CCND3: variants seen among roughly 807,000 people sequenced by gnomAD.
CCND3 encodes G1/S-specific cyclin-D3.
A neutral mutation model predicts 28.7 loss-of-function variants in CCND3; 9 were observed. The ratio of observed to expected loss-of-function variants is 0.31; its 90% confidence interval spans 0.19 to 0.55. The LOEUF (loss-of-function observed/expected upper bound fraction) is 0.55. Ranked by LOEUF, CCND3 falls within the 20% of genes least tolerant of loss-of-function variation. The pLI is 0.93. For synonymous variants in CCND3, 164 were observed against 163.9 expected, an observed-to-expected ratio of 1.00 and a Z score of 0.00; for missense variants, 315 against 385.8, an observed-to-expected ratio of 0.82 and a Z score of 1.54.
At chr6:41,949,568 C>T (rs1048469602) in intron 1 of CCND3, among the ~76,000 whole-genome samples, 14 of 151,818 alleles carry the variant, frequency 9.2e-5, no homozygotes, top group Admixed American at 6.6e-5. Context: ...CTTTGGGAGG[C>T]GGCGACAGAG....
intron 1 of CCND3, among the ~76,000 whole-genome samples, chr6:42,019,215 C>T (rs528816817): frequency 1.3e-4 from 19 of 151,842 alleles, no homozygotes; most frequent in African/African-American, 2.4e-4. Context: ...AGGCCTGGAG[C>T]GGTGGCTCCC....
chr6:42,046,261 T>C (rs1764540829), intron 1 of CCND3, among the ~76,000 whole-genome samples: 1 of 152,210 alleles, frequency 6.6e-6, no homozygotes, highest in Non-Finnish European at 1.5e-5. Context: ...AACTGTCCCG[T>C]GCTCTCGCTT....
At chr6:42,045,305 G>A (rs547314258) in intron 1 of CCND3, among the ~76,000 whole-genome samples, 18 of 152,264 alleles carry the variant, frequency 1.2e-4, no homozygotes, top group East Asian at 5.8e-4. Flanking sequence ...ATAGATCCTC[G>A]TTCAATTCCA....
chr6:41,964,497 TGA>T (rs1491270756), intron 1 of CCND3, among the ~76,000 whole-genome samples: 17,959 of 141,648 alleles, frequency 0.13, 1,610 homozygotes, highest in East Asian at 0.31. Context: ...TGTGTGTGTG[TGA>T]GTGTGTGTGT....
At chr6:41,961,001 T>A (rs1279446159) in intron 1 of CCND3, among the ~76,000 whole-genome samples, 2 of 152,152 alleles carry the variant, frequency 1.3e-5, no homozygotes, top group Admixed American at 6.6e-5. Flanking sequence ...GGGAAGCTGG[T>A]CATGTGCAGG....
At position 41,940,719 on chromosome 6, in the gene CCND3, C is replaced by T. The variant is rs1014639560; in HGVS notation, c.199-134G>A. On this transcript the variant is annotated intron_variant, in intron 1 of 4. Transcript: ENST00000372991. ...GGTAAGCTACTTAGAGAGACAAGGACCAATAAAGGAGGAGGATGCGCCCTC... is the reference window on the plus strand; with the variant it reads ...GGTAAGCTACTTAGAGAGACAAGGATCAATAAAGGAGGAGGATGCGCCCTC... 15 of 756,700 alleles carry T rather than the reference C, an allele frequency of 2.0e-5. No individual in the cohort carries two copies. In the African/African-American group the frequency reaches 2.4e-4, roughly 12 times the overall value. 46.9% of individuals were successfully genotyped at this position (756,700 alleles called of 1,614,324 possible).
intron 1 of CCND3, among the ~76,000 whole-genome samples, chr6:42,027,747 T>G (rs1036735887): frequency 6.6e-6 from 1 of 151,536 alleles, no homozygotes; most frequent in African/African-American, 2.4e-5. Context: ...TTTTTGTTTG[T>G]TTGTTTGTTT....
rs1762617206 is a variant in CCND3 at position 41,990,660 on chromosome 6, A to ATATTTTTTTTTT, written c.-45-50076_-45-50075insAAAAAAAAAATA. On this transcript the variant is annotated intron_variant, in intron 1 of 4. Transcript: ENST00000372988. ...TAGTCCATGAATCTATAACCAACTG[A>ATATTTTTTTTTT]TTTTTTTTTTTTTTTTTTTTTTTTT... Among the ~76,000 whole-genome samples, 2 of 121,276 alleles carry ATATTTTTTTTTT rather than the reference A, an allele frequency of 1.6e-5. 1 individual carries two copies. Among genetic ancestry groups the ATATTTTTTTTTT allele is most frequent in the Non-Finnish European group, 3.3e-5 (2 of 60,716 alleles). The allele number at this position is 121,276 out of a possible 152,430, so 79.6% of individuals were successfully genotyped here.
chr6:42,000,615 T>A (rs912386925), intron 1 of CCND3, among the ~76,000 whole-genome samples: 7 of 133,866 alleles, frequency 5.2e-5, no homozygotes, highest in African/African-American at 2.0e-4. Flanking sequence ...TTGCCCAGGC[T>A]GGAGCGCAAT....
intron 1 of CCND3, among the ~76,000 whole-genome samples, chr6:41,987,034 T>C (rs1358782989): frequency 2.0e-5 from 3 of 152,082 alleles, no homozygotes; most frequent in Admixed American, 2.0e-4. Context: ...TGAATAGTCA[T>C]TACTATTCTG....
intron 1 of CCND3, among the ~76,000 whole-genome samples, chr6:41,999,625 TG>T (rs1490754399): frequency 3.9e-5 from 6 of 152,208 alleles, no homozygotes; most frequent in African/African-American, 7.2e-5. Context: ...TGGTGGCTCA[TG>T]GCTCACACCT....
intron 1 of CCND3, among the ~76,000 whole-genome samples, chr6:42,033,120 A>G (rs1050816573): frequency 6.6e-6 from 1 of 152,154 alleles, no homozygotes; most frequent in Non-Finnish European, 1.5e-5. Context: ...AAGTATATCA[A>G]CTGTGGCCAG....
At chr6:41,962,840 TC>T (rs1358066632) in intron 1 of CCND3, among the ~76,000 whole-genome samples, 2 of 152,092 alleles carry the variant, frequency 1.3e-5, no homozygotes, top group Admixed American at 1.3e-4. Context: ...AACCTCCACC[TC>T]CCGGGTTCAA....
intron 1 of CCND3, among the ~76,000 whole-genome samples, chr6:41,946,810 C>T (rs923491678): frequency 5.3e-5 from 8 of 151,834 alleles, no homozygotes; most frequent in Admixed American, 2.6e-4. Flanking sequence ...TTCGGCTGGG[C>T]GCGGTGGCTC....
In CCND3 at chr6:41,940,431, G is replaced by A; in HGVS notation, c.353C>T (p.Pro118Leu). The A allele has an allele frequency of 6.2e-7, 1 of 1,613,768 alleles. No individual in the cohort carries two copies. ...LLASKLRETTPLTIEKLCIYT... is the reference protein window; with the variant it reads ...LLASKLRETTLLTIEKLCIYT... ...GATGCACAGTTTTTCGATGGTCAGGGGCGTGGTCTCGCGCAGCTTGGAGGC... is the reference window on the plus strand; with the variant it reads ...GATGCACAGTTTTTCGATGGTCAGGAGCGTGGTCTCGCGCAGCTTGGAGGC... Residue 118 changes from proline (P) to leucine (L), a missense_variant, in exon 2 of 5, where the codon CCC becomes CTC. Physicochemically the swap from Pro to Leu is moderately conservative, Grantham distance 98. Coordinates refer to ENST00000372991, the MANE Select transcript of CCND3 (RefSeq NM_001760.5).
At chr6:42,041,364 G>C (rs960352456) in intron 1 of CCND3, among the ~76,000 whole-genome samples, 1 of 152,198 alleles carries the variant, frequency 6.6e-6, no homozygotes. Context: ...AGAAAAGATG[G>C]GAGTTCCCCC....
At chr6:41,969,734 C>CA (rs926274500) in intron 1 of CCND3, among the ~76,000 whole-genome samples, 1 of 152,032 alleles carries the variant, frequency 6.6e-6, no homozygotes, top group Non-Finnish European at 1.5e-5. Context: ...GACTCCATCT[C>CA]AAAAAACAAA....
At chr6:41,976,527 C>G (rs1762192909) in intron 1 of CCND3, among the ~76,000 whole-genome samples, 1 of 151,920 alleles carries the variant, frequency 6.6e-6, no homozygotes, top group Admixed American at 6.6e-5. Flanking sequence ...GTGGCACACA[C>G]CTGTAGTCTC....
At chr6:41,983,841 T>C (rs1762410946) in intron 1 of CCND3, among the ~76,000 whole-genome samples, 1 of 152,020 alleles carries the variant, frequency 6.6e-6, no homozygotes, top group Non-Finnish European at 1.5e-5. Flanking sequence ...TGAGACTCTG[T>C]CTCAAAAAAT....
Sources: allele counts gnomAD v4.1 joint callset (sites outside exome capture counted in the v4.1 genomes callset), GRCh38; gene constraint gnomAD v4.1.1; transcripts MANE v1.5; gene names NCBI Gene and HGNC (gene_info 2026-07-23, HGNC 2026-07-21).